POC1B: variants seen among roughly 807,000 people sequenced by gnomAD.
The protein encoded by POC1B is POC1 centriolar protein homolog B.
Under a neutral mutation model 60.6 loss-of-function variants are expected in POC1B, and 44 were observed. That is an observed-to-expected ratio of 0.73 (90% CI 0.57 to 0.93). The LOEUF is 0.93. Ranked by LOEUF, POC1B falls within the 40% of genes least tolerant of loss-of-function variation. The probability of loss-of-function intolerance (pLI) is 0.00; values close to 1 mark genes in which losing one functional copy is unlikely to be tolerated. For missense variants in POC1B, 555 were observed against 572.3 expected, an observed-to-expected ratio of 0.97 and a Z score of 0.31; for synonymous variants, 180 against 198.9, an observed-to-expected ratio of 0.90 and a Z score of 0.80.
rs182498773 is a variant in POC1B, at chr12:89,460,334, A to G, written c.1033-616T>C. Among the ~76,000 whole-genome samples, 66 of 152,316 alleles carry G rather than the reference A, an allele frequency of 4.3e-4. 1 individual carries two copies. In the East Asian group the frequency reaches 9.1e-3, roughly 21 times the overall value. On this transcript the variant is annotated intron_variant, in intron 9 of 11. Coordinates refer to ENST00000313546, the MANE Select transcript of POC1B (RefSeq NM_172240.3). ...GACCTTATGGAAAAGAATAAAACTTATGTTAACATTAAAAAAGGCTCAAAT... is the reference window on the plus strand; with the variant it reads ...GACCTTATGGAAAAGAATAAAACTTGTGTTAACATTAAAAAAGGCTCAAAT...
chr12:89,468,656 C>T (rs915593680), intron 7 of POC1B, among the ~76,000 whole-genome samples: 1 of 128,222 alleles, frequency 7.8e-6, no homozygotes, highest in Non-Finnish European at 1.7e-5. Flanking sequence ...ATATTTCAAT[C>T]CTTGGCCACT....
In POC1B at chr12:89,476,759, T is replaced by TAGAC. The variant is rs1167476204; in HGVS notation, c.453-4488_453-4485dup. ...ATAGATAGATAGATAGATAGATAGA[T>TAGAC]AGACAGACAGACAGACAGACACTTT... is the stretch of plus-strand genomic sequence containing the variant. On this transcript the variant is annotated intron_variant, in intron 4 of 11. Coordinates refer to ENST00000313546, the MANE Select transcript of POC1B (RefSeq NM_172240.3). Among the ~76,000 whole-genome samples, 540 of 58,596 alleles carry TAGAC rather than the reference T, an allele frequency of 9.2e-3. 3 individuals carry two copies. The highest frequency in any genetic ancestry group is 0.039 in the East Asian group (64 of 1,624). The allele number at this position is 58,596 out of a possible 152,430, so 38.4% of individuals were successfully genotyped here.
chr12:89,459,808 A>G, intron 9 of POC1B, 90 bp from the exon 10 acceptor site: 1 of 681,372 alleles, frequency 1.5e-6, no homozygotes, highest in Non-Finnish European at 2.3e-6. Context: ...ATTTTCTAAT[A>G]TATTCTAAAA....
chr12:89,451,909 C>T (rs1882057855), intron 10 of POC1B, among the ~76,000 whole-genome samples: 1 of 152,184 alleles, frequency 6.6e-6, no homozygotes, highest in Admixed American at 6.5e-5. Context: ...AACAGCCCCA[C>T]AAATGGCATT....
At chr12:89,454,760 G>A (rs578201184) in intron 10 of POC1B, among the ~76,000 whole-genome samples, 9 of 152,200 alleles carry the variant, frequency 5.9e-5, no homozygotes, top group African/African-American at 1.7e-4. Flanking sequence ...ACTATATACA[G>A]TTTATTTTTT....
intron 11 of POC1B, among the ~76,000 whole-genome samples, chr12:89,424,645 T>C (rs1316353947): frequency 1.3e-5 from 2 of 152,238 alleles, no homozygotes; most frequent in Admixed American, 6.5e-5. Flanking sequence ...ATTATGTCTG[T>C]ACCTTGTAAC....
At chr12:89,500,782 A>G in intron 2 of POC1B, 1 of 1,021,828 alleles carries the variant, frequency 9.8e-7, no homozygotes, top group Non-Finnish European at 1.5e-6. Flanking sequence ...GTATCAGATA[A>G]AGAGGATAAA....
chr12:89,419,060 A>C (rs1029016156), downstream of POC1B, among the ~76,000 whole-genome samples: 1 of 152,002 alleles, frequency 6.6e-6, no homozygotes, highest in African/African-American at 2.4e-5. Context: ...AGAATCAAAG[A>C]GGATTCCACG....
intron 1 of POC1B, 144 bp downstream of exon 1, chr12:89,525,737 A>G (rs973099232): frequency 1.5e-4 from 189 of 1,285,324 alleles, no homozygotes; most frequent in Admixed American, 3.1e-4. Context: ...TGAGATACGG[A>G]CGCCCCGGGA....
At chr12:89,519,149 T>C (rs774790265) in intron 2 of POC1B, among the ~76,000 whole-genome samples, 1 of 152,196 alleles carries the variant, frequency 6.6e-6, no homozygotes, top group African/African-American at 2.4e-5. Context: ...CTTCCTTTTA[T>C]AGTGGTCCAA....
chr12:89,497,172 T>C lies in POC1B; in HGVS notation c.271A>G (p.Lys91Glu). 1 of 1,611,576 alleles carries C rather than the reference T, an allele frequency of 6.2e-7. No individual in the cohort carries two copies. Among genetic ancestry groups the C allele is most frequent in the South Asian group, 1.1e-5 (1 of 90,864 alleles). The stretch of plus-strand genomic sequence containing the variant: ...CAAGTGTTTCTTTGTTTCTCTTACT[T>C]ATCAGGAATCCAGAGTCTCACGGTT... ...DRTVRLWIPD[K>E]RGKFSEFKAH... Residue 91 changes from lysine to glutamate, a missense_variant and splice_region_variant, in exon 3 of 12, where the codon AAG (lysine) becomes GAG (glutamate). Transcript: ENST00000313546.
At chr12:89,473,882 T>C (rs1480552816) in intron 4 of POC1B, among the ~76,000 whole-genome samples, 1 of 151,922 alleles carries the variant, frequency 6.6e-6, no homozygotes, top group African/African-American at 2.4e-5. Flanking sequence ...ACCTACTCAG[T>C]ATCCCCACGG....
chr12:89,451,225 T>C (rs1190326164), intron 10 of POC1B, among the ~76,000 whole-genome samples: 3 of 152,154 alleles, frequency 2.0e-5, no homozygotes, highest in Admixed American at 6.5e-5. Context: ...ATAATCCAAA[T>C]AGATACATAA....
intron 4 of POC1B, among the ~76,000 whole-genome samples, chr12:89,474,346 C>G (rs1213463882): frequency 6.6e-6 from 1 of 152,112 alleles, no homozygotes; most frequent in Non-Finnish European, 1.5e-5. Context: ...TTAACTCTTA[C>G]ATTTCAAGAA....
intron 10 of POC1B, among the ~76,000 whole-genome samples, chr12:89,441,395 G>A (rs947725512): frequency 6.6e-6 from 1 of 152,114 alleles, no homozygotes; most frequent in South Asian, 2.1e-4. Context: ...TCATATGGCC[G>A]GGTCCCCCTC....
At chr12:89,463,694 G>C (rs1205257093) in intron 9 of POC1B, among the ~76,000 whole-genome samples, 4 of 152,192 alleles carry the variant, frequency 2.6e-5, no homozygotes, top group Non-Finnish European at 4.4e-5. Flanking sequence ...AGATAAGTAG[G>C]AAGAACCCGG....
At chr12:89,408,749 A>C in the POC1B span, among the ~76,000 whole-genome samples, 1 of 152,070 alleles carries the variant, frequency 6.6e-6, no homozygotes. Flanking sequence ...AGCCTCCCAG[A>C]GTGCTGGGAT....
At chr12:89,401,782 T>A in the POC1B span, among the ~76,000 whole-genome samples, 2 of 152,236 alleles carry the variant, frequency 1.3e-5, no homozygotes, top group African/African-American at 4.8e-5. Flanking sequence ...CTTGCAGTAA[T>A]TTGCAAATAG....
At chr12:89,511,249 C>T (rs1002029953) in intron 2 of POC1B, among the ~76,000 whole-genome samples, 14 of 151,548 alleles carry the variant, frequency 9.2e-5, no homozygotes, top group African/African-American at 3.4e-4. Context: ...ATGGTGAAAT[C>T]CCATCTCTAC....
Sources: allele counts gnomAD v4.1 joint callset (sites outside exome capture counted in the v4.1 genomes callset), GRCh38; gene constraint gnomAD v4.1.1; transcripts MANE v1.5; gene names NCBI Gene and HGNC (gene_info 2026-07-23, HGNC 2026-07-21).